ACBD6: variants seen among roughly 807,000 people sequenced by gnomAD.
ACBD6 encodes acyl-CoA-binding domain-containing protein 6.
Under a neutral mutation model 37.2 loss-of-function variants are expected in ACBD6, and 28 were observed. That is an observed-to-expected ratio of 0.75 (90% CI 0.56 to 1.03). The LOEUF (loss-of-function observed/expected upper bound fraction) is 1.03. Among genes scored for constraint, ACBD6 ranks in the 50% least tolerant of loss-of-function variants. The pLI is 0.00. For missense variants in ACBD6, 340 were observed against 337.4 expected (o/e 1.01, Z -0.06); for synonymous variants, 113 against 126.8 (o/e 0.89, Z 0.73).
At chr1:180,271,125 AG>A (rs1648624791) in exon 14 of ACBD6, 1 of 554,226 alleles carries the variant, frequency 1.8e-6, no homozygotes, top group South Asian at 2.0e-5. Flanking sequence ...CTGGGCTGGC[AG>A]GGGAGGGTTG....
chr1:180,367,046 CTACACA>C (rs1169104291), intron 6 of ACBD6, among the ~76,000 whole-genome samples: 4 of 152,180 alleles, frequency 2.6e-5, no homozygotes, highest in African/African-American at 9.7e-5. Context: ...GAAGATAATG[CTACACA>C]GATTCCTGTA....
chr1:180,346,081 T>C (rs988053615), intron 6 of ACBD6, among the ~76,000 whole-genome samples: 2 of 152,278 alleles, frequency 1.3e-5, no homozygotes, highest in East Asian at 3.9e-4. Context: ...ATGGTAAGCA[T>C]ACTGGATGAG....
chr1:180,424,940 C>A (rs903031715), intron 4 of ACBD6, among the ~76,000 whole-genome samples: 2 of 152,192 alleles, frequency 1.3e-5, no homozygotes, highest in Non-Finnish European at 2.9e-5. Context: ...GAGACTCTTA[C>A]AACAGTTACT....
intron 3 of ACBD6, among the ~76,000 whole-genome samples, chr1:180,478,222 T>G (rs764763921): frequency 3.3e-4 from 50 of 152,126 alleles, no homozygotes; most frequent in Non-Finnish European, 5.3e-4. Flanking sequence ...AAATGTATTT[T>G]TATTTATTAA....
intron 7 of ACBD6, among the ~76,000 whole-genome samples, chr1:180,296,668 T>C (rs1031151864): frequency 2.0e-5 from 3 of 151,826 alleles, no homozygotes; most frequent in Admixed American, 1.3e-4. Flanking sequence ...TGACCTCAAG[T>C]GACCCGCCCA....
intron 3 of ACBD6, among the ~76,000 whole-genome samples, chr1:180,483,190 G>C (rs143406990): frequency 2.6e-5 from 4 of 152,142 alleles, no homozygotes; most frequent in Middle Eastern, 3.4e-3. Flanking sequence ...TTAGAGACTT[G>C]CACTAGCTGT....
At chr1:180,444,403 C>G (rs760340796) in intron 3 of ACBD6, among the ~76,000 whole-genome samples, 50 of 152,000 alleles carry the variant, frequency 3.3e-4, no homozygotes, top group Non-Finnish European at 5.3e-4. Context: ...GTTCCTCTTT[C>G]TAATGCAACT....
intron 3 of ACBD6, among the ~76,000 whole-genome samples, chr1:180,444,150 T>C (rs1215025564): frequency 6.6e-6 from 1 of 152,102 alleles, no homozygotes; most frequent in Non-Finnish European, 1.5e-5. Flanking sequence ...TTAACCATTA[T>C]CTAACAGTTG....
At chr1:180,409,158 T>A (rs1408518944) in intron 5 of ACBD6, among the ~76,000 whole-genome samples, 1 of 151,644 alleles carries the variant, frequency 6.6e-6, no homozygotes, top group Non-Finnish European at 1.5e-5. Flanking sequence ...AAAGAGAAAA[T>A]TTTTGCCTTA....
At chr1:180,490,825 G>A (rs1220711181) in intron 3 of ACBD6, among the ~76,000 whole-genome samples, 1 of 150,842 alleles carries the variant, frequency 6.6e-6, no homozygotes, top group Non-Finnish European at 1.5e-5. Context: ...AAATTAGCCA[G>A]GTGTAGTGGT....
intron 6 of ACBD6, among the ~76,000 whole-genome samples, chr1:180,342,609 C>G (rs976553918): frequency 1.3e-5 from 2 of 151,982 alleles, no homozygotes; most frequent in Non-Finnish European, 1.5e-5. Flanking sequence ...AATACACTTA[C>G]TATTATAATT....
In ACBD6 at chr1:180,502,534, G is replaced by GCTCGC. The variant is rs1459184598; in HGVS notation, c.-273_-269dup. ...TCCCTCCGGCCAACAGCGCGCTCAG[G>GCTCGC]CTCGCCTCAGGCCCCTCCAACGGAA... On this transcript the variant is annotated 5_prime_UTR_variant, in exon 1 of 8. Transcript: ENST00000367595. 2.0e-6 allele frequency: 1 copy of GCTCGC among 507,952 alleles called. No homozygotes were observed. The highest frequency in any genetic ancestry group is 3.6e-6 in the Non-Finnish European group (1 of 278,306). The allele number at this position is 507,952 out of a possible 1,614,324, so 31.5% of individuals were successfully genotyped here. A position where few individuals can be genotyped will look rare whatever the true frequency, so the allele number is the denominator to read the frequency against.
intron 6 of ACBD6, among the ~76,000 whole-genome samples, chr1:180,387,666 T>A (rs1404900865): frequency 6.6e-6 from 1 of 152,196 alleles, no homozygotes; most frequent in East Asian, 1.9e-4. Context: ...ATGTGTAGGC[T>A]TCCCTTTCAG....
Position 180,502,278 on chromosome 1 carries a change from C to G in ACBD6, c.-12G>C. On this transcript the variant is annotated 5_prime_UTR_variant, in exon 1 of 8. Coordinates refer to ENST00000367595, the MANE Select transcript of ACBD6 (RefSeq NM_032360.4). ...AATGATGAAGCCATGTCTCCTTGCTCGCTCCGTCCCTCTGTGTCCGGTCTG... is the reference window on the plus strand; with the variant it reads ...AATGATGAAGCCATGTCTCCTTGCTGGCTCCGTCCCTCTGTGTCCGGTCTG... 1 of 1,611,998 alleles carries G rather than the reference C, an allele frequency of 6.2e-7. No individual in the cohort carries two copies. The highest frequency in any genetic ancestry group is 8.5e-7 in the Non-Finnish European group (1 of 1,179,872).
intron 7 of ACBD6, among the ~76,000 whole-genome samples, chr1:180,299,386 G>C (rs1650042807): frequency 6.6e-6 from 1 of 152,124 alleles, no homozygotes; most frequent in Non-Finnish European, 1.5e-5. Context: ...TCTCAGAAAA[G>C]CTTGAGCAAG....
chr1:180,451,377 A>G (rs1649696675), intron 3 of ACBD6, among the ~76,000 whole-genome samples: 1 of 152,244 alleles, frequency 6.6e-6, no homozygotes, highest in African/African-American at 2.4e-5. Context: ...ACTCCTGGAT[A>G]TATATCCATT....
exon 11 of ACBD6, chr1:180,274,045 G>T: frequency 9.9e-7 from 1 of 1,013,126 alleles, no homozygotes. Context: ...CCATATTGGT[G>T]TGTCTGACCC....
chr1:180,387,961 G>T lies in ACBD6; in HGVS notation c.663+9555C>A, dbSNP rs146312749. ...GAGGCCGAGGCGGGCAGATCACAAG[G>T]TCAGGAGATTGAGACCATCCTGGTT... On this transcript the variant is annotated intron_variant, in intron 6 of 7. Coordinates refer to ENST00000367595, the MANE Select transcript of ACBD6 (RefSeq NM_032360.4). 6.7e-3 allele frequency among the ~76,000 whole-genome samples: 1,012 copies of T among 152,126 alleles called. 17 individuals carry two copies. The highest frequency in any genetic ancestry group is 0.023 in the African/African-American group (966 of 41,514).
chr1:180,345,788 A>G (rs1450270028), intron 6 of ACBD6, among the ~76,000 whole-genome samples: 2 of 152,222 alleles, frequency 1.3e-5, no homozygotes, highest in Non-Finnish European at 1.5e-5. Flanking sequence ...AGCACTGTAT[A>G]TTTAAAAATG....
Sources: allele counts gnomAD v4.1 joint callset (sites outside exome capture counted in the v4.1 genomes callset), GRCh38; gene constraint gnomAD v4.1.1; transcripts MANE v1.5; gene names NCBI Gene and HGNC (gene_info 2026-07-23, HGNC 2026-07-21).